Variants in PIP4K2A observed in about 807,000 individuals in gnomAD.
The protein encoded by PIP4K2A is phosphatidylinositol 5-phosphate 4-kinase type-2 alpha.
In PIP4K2A, 14 loss-of-function variants were observed where a neutral mutation model predicts 42.9. That is an observed-to-expected ratio of 0.33 (90% confidence interval 0.22 to 0.51). PIP4K2A has a LOEUF of 0.51. Among genes scored for constraint, PIP4K2A ranks in the 20% least tolerant of loss-of-function variants. The pLI is 0.97. For missense variants in PIP4K2A, 434 were observed against 519.8 expected, an observed-to-expected ratio of 0.83 and a Z score of 1.61; for synonymous variants, 192 against 192.2, an observed-to-expected ratio of 1.00 and a Z score of 0.01.
At position 22,608,012 on chromosome 10, in the gene PIP4K2A, G is replaced by A. The variant is rs781133620; in HGVS notation, c.254C>T (p.Pro85Leu). 38 of 1,608,382 alleles carry A rather than the reference G, an allele frequency of 2.4e-5. No individual in the cohort carries two copies. Among genetic ancestry groups the A allele is most frequent in the Non-Finnish European group, 3.0e-5 (35 of 1,175,504 alleles). Residue 85 changes from proline to leucine, a missense_variant, in exon 3 of 10, where the codon CCG (proline) becomes CTG (leucine). Physicochemically the swap from Pro to Leu is moderately conservative, Grantham distance 98. This residue lies in a region of PIP4K2A where 395 missense variants were observed against 444.5 expected (regional missense o/e 0.89). Coordinates refer to ENST00000376573, the MANE Select transcript of PIP4K2A (RefSeq NM_005028.5). ...DNHLFNKENM[P>L]SHFKFKEYCP... ...GTATTCCTTAAACTTGAAATGGCTC[G>A]GCATGTTTTCTCTGAAACAGTCACA...
At chr10:22,575,483 A>C (rs1222711386) in intron 4 of PIP4K2A, among the ~76,000 whole-genome samples, 1 of 152,234 alleles carries the variant, frequency 6.6e-6, no homozygotes, top group African/African-American at 2.4e-5. Flanking sequence ...ACAAAGAACC[A>C]TTATTCATGC....
chr10:22,549,960 A>C (rs1197088628), intron 7 of PIP4K2A, among the ~76,000 whole-genome samples: 3 of 152,040 alleles, frequency 2.0e-5, no homozygotes, highest in Non-Finnish European at 4.4e-5. Context: ...GAAAAGCTGC[A>C]ATGCCTTTAT....
chr10:22,585,609 ATTTT>A (rs67526326), intron 4 of PIP4K2A, among the ~76,000 whole-genome samples: 1 of 143,212 alleles, frequency 7.0e-6, no homozygotes, highest in Non-Finnish European at 1.5e-5. Flanking sequence ...GTGCCTCTCA[ATTTT>A]TTTTTTTTTT....
At chr10:22,569,979 C>T (rs2130790749) in intron 5 of PIP4K2A, among the ~76,000 whole-genome samples, 1 of 151,992 alleles carries the variant, frequency 6.6e-6, no homozygotes, top group South Asian at 2.1e-4. Flanking sequence ...AAAAGCAAGG[C>T]AAATTAAAAC....
At chr10:22,650,382 A>C (rs900220335) in intron 1 of PIP4K2A, among the ~76,000 whole-genome samples, 1 of 152,172 alleles carries the variant, frequency 6.6e-6, no homozygotes, top group African/African-American at 2.4e-5. Context: ...CAGCCTCCGG[A>C]GTAGCTGGGA....
At chr10:22,656,598 G>A (rs1295273352) in intron 1 of PIP4K2A, among the ~76,000 whole-genome samples, 1 of 152,138 alleles carries the variant, frequency 6.6e-6, no homozygotes, top group Admixed American at 6.5e-5. Flanking sequence ...CCTGAGGTCA[G>A]GAGTTTGAGG....
chr10:22,630,432 A>G (rs1838525424), intron 1 of PIP4K2A, among the ~76,000 whole-genome samples: 1 of 152,194 alleles, frequency 6.6e-6, no homozygotes. Context: ...GTAGCTATTC[A>G]GAATATAAGT....
chr10:22,548,949 G>C (rs1220457302), intron 7 of PIP4K2A, among the ~76,000 whole-genome samples: 1 of 152,144 alleles, frequency 6.6e-6, no homozygotes, highest in African/African-American at 2.4e-5. Flanking sequence ...AGCTACTATG[G>C]AGGCTGAGGC....
Position 22,609,723 on chromosome 10 carries a change from A to G in PIP4K2A, c.145-6T>C. 1 of 1,529,862 alleles carries G rather than the reference A, an allele frequency of 6.5e-7. No homozygotes were observed. Among genetic ancestry groups the G allele is most frequent in the Admixed American group, 1.7e-5 (1 of 58,522 alleles). The allele number at this position is 1,529,862 out of a possible 1,614,324, so 94.8% of individuals were successfully genotyped here. A position where few individuals can be genotyped will look rare whatever the true frequency, so the allele number is the denominator to read the frequency against. On this transcript the variant is annotated splice_region_variant and splice_polypyrimidine_tract_variant and intron_variant, in intron 1 of 9. Coordinates refer to ENST00000376573, the MANE Select transcript of PIP4K2A (RefSeq NM_005028.5). Reference sequence around the variant, plus strand: ...ACATGGCTCAGTTCATTGATCTGGAAAAATATAAAATAAATAGCATGGGTT... The same window carrying G: ...ACATGGCTCAGTTCATTGATCTGGAGAAATATAAAATAAATAGCATGGGTT...
At chr10:22,549,863 A>G (rs1588618452) in intron 7 of PIP4K2A, among the ~76,000 whole-genome samples, 2 of 148,616 alleles carry the variant, frequency 1.3e-5, no homozygotes, top group Admixed American at 6.7e-5. Context: ...AAAAAAAAAA[A>G]AAAAAAAAAA....
At chr10:22,702,508 G>T (rs1306910752) in intron 1 of PIP4K2A, among the ~76,000 whole-genome samples, 2 of 152,202 alleles carry the variant, frequency 1.3e-5, no homozygotes, top group Admixed American at 6.5e-5. Flanking sequence ...CTGTTTGAAA[G>T]AAGTTGTTTA....
chr10:22,676,075 T>C (rs1839551507), intron 1 of PIP4K2A, among the ~76,000 whole-genome samples: 1 of 149,316 alleles, frequency 6.7e-6, no homozygotes, highest in Non-Finnish European at 1.5e-5. Context: ...TGTCTTTTCA[T>C]CTTTTCGGCT....
At chr10:22,693,660 G>A (rs891309259) in intron 1 of PIP4K2A, among the ~76,000 whole-genome samples, 1 of 152,100 alleles carries the variant, frequency 6.6e-6, no homozygotes, top group East Asian at 1.9e-4. Context: ...CCCATCTGGG[G>A]AGCTTAGTCA....
At chr10:22,658,856 A>T (rs1320495324) in intron 1 of PIP4K2A, among the ~76,000 whole-genome samples, 2 of 152,222 alleles carry the variant, frequency 1.3e-5, no homozygotes, top group Non-Finnish European at 2.9e-5. Context: ...AAAGTTACGT[A>T]ACTCACCCGA....
intron 6 of PIP4K2A, among the ~76,000 whole-genome samples, chr10:22,562,538 G>C (rs1486414375): frequency 6.6e-6 from 1 of 152,146 alleles, no homozygotes; most frequent in African/African-American, 2.4e-5. Context: ...GACAGAGCGA[G>C]ACTCCGTCTC....
At chr10:22,672,293 G>A (rs993494423) in intron 1 of PIP4K2A, among the ~76,000 whole-genome samples, 2 of 147,696 alleles carry the variant, frequency 1.4e-5, no homozygotes, top group African/African-American at 5.0e-5. Context: ...GTGTGGGGGG[G>A]GATTGTTGGA....
rs1835911266 is a variant in PIP4K2A at position 22,536,115 on chromosome 10, AG to A, written c.*1085del. The A allele has an allele frequency of 2.5e-6, 1 of 398,478 alleles. No individual in the cohort carries two copies. Among genetic ancestry groups the A allele is most frequent in the Non-Finnish European group, 4.4e-6 (1 of 226,056 alleles). The allele number at this position is 398,478 out of a possible 1,614,324, so 24.7% of individuals were successfully genotyped here. A position where few individuals can be genotyped will look rare whatever the true frequency, so the allele number is the denominator to read the frequency against. Reference sequence around the variant, plus strand: ...CCTAATAATGTAAACAGTAAAACTGAGGGTTTCAGTTAAAGGGATAATTCGT... The same window carrying A: ...CCTAATAATGTAAACAGTAAAACTGAGGTTTCAGTTAAAGGGATAATTCGT... On this transcript the variant is annotated 3_prime_UTR_variant, in exon 10 of 10. Coordinates refer to ENST00000376573, the MANE Select transcript of PIP4K2A (RefSeq NM_005028.5).
intron 1 of PIP4K2A, among the ~76,000 whole-genome samples, chr10:22,647,308 CTGTG>C (rs747952978): frequency 2.9e-5 from 4 of 140,230 alleles, no homozygotes; most frequent in South Asian, 2.3e-4. Flanking sequence ...TCTCTAAATA[CTGTG>C]TGTGTGTGTG....
intron 3 of PIP4K2A, among the ~76,000 whole-genome samples, chr10:22,596,624 T>G (rs961846432): frequency 1.3e-5 from 2 of 152,220 alleles, no homozygotes; most frequent in Non-Finnish European, 2.9e-5. Context: ...CTTGGACAAG[T>G]TGGGAGGCCC....
Sources: gnomAD v4.1 joint callset for allele counts (sites outside exome capture counted in the v4.1 genomes callset) on GRCh38, gnomAD v4.1.1 for gene constraint, gnomAD v4.1.1 regional missense constraint, MANE v1.5 for transcripts, NCBI Gene and HGNC (gene_info 2026-07-23, HGNC 2026-07-21) for gene names.